HMCN1: variants seen among roughly 807,000 people sequenced by gnomAD.
The protein encoded by HMCN1 is hemicentin-1.
In HMCN1, 321 loss-of-function variants were observed where a neutral mutation model predicts 625.9. The ratio of observed to expected loss-of-function variants is 0.51; its 90% CI spans 0.47 to 0.56. The LOEUF is 0.56. Ranked by LOEUF, HMCN1 falls within the 20% of genes least tolerant of loss-of-function variation. The pLI is 0.00. For synonymous variants in HMCN1, 2,425 were observed against 2,417.6 expected, an observed-to-expected ratio of 1.00 and a Z score of -0.09; for missense variants, 6,588 against 6,887.3, an observed-to-expected ratio of 0.96 and a Z score of 1.54.
chr1:185,966,645 A>G (rs760555915), intron 14 of HMCN1, among the ~76,000 whole-genome samples: 132 of 152,142 alleles, frequency 8.7e-4, no homozygotes, highest in Non-Finnish European at 1.6e-3. Context: ...CCTAACTGGG[A>G]GGTTGCTAGG....
chr1:185,834,700 C>T (rs187364062), intron 1 of HMCN1, among the ~76,000 whole-genome samples: 1 of 152,280 alleles, frequency 6.6e-6, no homozygotes, highest in Non-Finnish European at 1.5e-5. Flanking sequence ...GAGGGGATTA[C>T]ACAAGAGTAT....
Position 186,061,445 on chromosome 1 carries a change from T to A in HMCN1, c.7313-406T>A, listed in dbSNP as rs140004545. On this transcript the variant is annotated intron_variant, in intron 46 of 106. Transcript: ENST00000271588. ...CCTCCACCAGGTCCCTCCCTTGACC[T>A]CCCACCAGGTCCCTCACCAGGGGAT... 5.9e-5 allele frequency among the ~76,000 whole-genome samples: 9 copies of A among 152,164 alleles called. No individual in the cohort carries two copies. The East Asian group carries it at 1.7e-3, about 29-fold the overall frequency.
At chr1:185,880,874 T>C (rs537539297) in intron 4 of HMCN1, among the ~76,000 whole-genome samples, 32 of 152,342 alleles carry the variant, frequency 2.1e-4, no homozygotes, top group African/African-American at 7.5e-4. Flanking sequence ...GATAGCTTTA[T>C]CATGTGCAGG....
At chr1:185,974,132 C>T (rs1651032174) in intron 15 of HMCN1, among the ~76,000 whole-genome samples, 3 of 152,220 alleles carry the variant, frequency 2.0e-5, no homozygotes, top group African/African-American at 2.4e-5. Flanking sequence ...TGGCATTAAC[C>T]CTGTGCAGAT....
At chr1:186,138,675 C>G (rs1649774562) in intron 89 of HMCN1, among the ~76,000 whole-genome samples, 1 of 152,184 alleles carries the variant, frequency 6.6e-6, no homozygotes, top group Admixed American at 6.5e-5. Flanking sequence ...GCCTTATAAT[C>G]TAAGTGAGGC....
rs1370045673 is a variant in HMCN1, at chr1:185,756,879, C to T, written c.268+21832C>T. On this transcript the variant is annotated intron_variant, in intron 1 of 106. Coordinates refer to ENST00000271588, the MANE Select transcript of HMCN1 (RefSeq NM_031935.3). ...TCTATGATAACTTTCCACCTGGTCTCTGCTGTTTTTTTTCCATCCACATGA... is the reference window on the plus strand; with the variant it reads ...TCTATGATAACTTTCCACCTGGTCTTTGCTGTTTTTTTTCCATCCACATGA... 2.0e-5 allele frequency among the ~76,000 whole-genome samples: 3 copies of T among 151,962 alleles called. No individual in the cohort carries two copies. In the East Asian group the frequency reaches 5.8e-4, roughly 29 times the overall value.
chr1:186,161,842 C>G (rs1571442001), intron 97 of HMCN1, among the ~76,000 whole-genome samples: 1 of 152,200 alleles, frequency 6.6e-6, no homozygotes, highest in East Asian at 1.9e-4. Context: ...TTCTCTCTGG[C>G]TGCCCTTAAC....
At position 185,981,025 on chromosome 1, in the gene HMCN1, C is replaced by A. The variant is rs752807371; in HGVS notation, c.2614C>A (p.Gln872Lys). 6.2e-7 allele frequency: 1 copy of A among 1,612,740 alleles called. No individual in the cohort carries two copies. The highest frequency in any genetic ancestry group is 1.3e-5 in the African/African-American group (1 of 74,954). Residue 872 changes from glutamine (Q) to lysine (K), a missense_variant, in exon 17 of 107, where the codon CAG becomes AAG. Coordinates refer to ENST00000271588, the MANE Select transcript of HMCN1 (RefSeq NM_031935.3). ...AACCTATATTTGTGAAGCTGAAAAC[C>A]AGTTTGGAAAGATCCAGTCAGAGAC... ...KGTYICEAEN[Q>K]FGKIQSETTV...
At chr1:186,086,541 C>A in intron 58 of HMCN1, 134 bp downstream of exon 58, 2 of 896,870 alleles carry the variant, frequency 2.2e-6, no homozygotes, top group Non-Finnish European at 1.7e-6. Flanking sequence ...CCTCTCTTTG[C>A]CCATTTGTGG....
chr1:186,119,350 T>G, intron 78 of HMCN1, 52 bp downstream of exon 78: 1 of 1,274,314 alleles, frequency 7.8e-7, no homozygotes, highest in Non-Finnish European at 1.1e-6. Context: ...GGGAGGTTTT[T>G]TAGTCATATT....
rs759338964 is a variant in HMCN1, at chr1:186,137,483, A to G, written c.13583-15A>G. The G allele has an allele frequency of 2.0e-5, 33 of 1,612,032 alleles. No homozygotes were observed. Among genetic ancestry groups the G allele is most frequent in the Admixed American group, 3.3e-5 (2 of 59,792 alleles). On this transcript the variant is annotated splice_polypyrimidine_tract_variant and intron_variant, in intron 87 of 106. Transcript: ENST00000271588. Reference sequence around the variant, plus strand: ...TTTGCAAAAGCTTAGACAAAGTACAATGTTTTATTTGCAGTTCATGGTGGA... The same window carrying G: ...TTTGCAAAAGCTTAGACAAAGTACAGTGTTTTATTTGCAGTTCATGGTGGA...
chr1:185,815,964 A>G (rs1040433926), intron 1 of HMCN1, among the ~76,000 whole-genome samples: 1 of 150,114 alleles, frequency 6.7e-6, no homozygotes. Context: ...CCACTTAGCA[A>G]TATCATACCC....
intron 4 of HMCN1, among the ~76,000 whole-genome samples, chr1:185,868,896 A>G (rs1482155216): frequency 1.3e-5 from 2 of 152,190 alleles, no homozygotes; most frequent in Non-Finnish European, 2.9e-5. Context: ...TGGATCATCA[A>G]CTGATATTCT....
At position 186,144,221 on chromosome 1, in the gene HMCN1, G is replaced by C. The variant is rs1558256376; in HGVS notation, c.13973G>C (p.Ser4658Thr). 1.2e-6 allele frequency: 2 copies of C among 1,612,114 alleles called. No individual in the cohort carries two copies. The highest frequency in any genetic ancestry group is 1.7e-6 in the Non-Finnish European group (2 of 1,178,962). Residue 4658 changes from serine (S) to threonine (T), a missense_variant, in exon 90 of 107, where the codon AGT becomes ACT. Ser to Thr is a moderately conservative substitution (Grantham distance 58). Transcript: ENST00000271588. ...AWQPWGTCSE[S>T]CGKGTQTRAR... Reference sequence around the variant, plus strand: ...CAGCCTTGGGGAACATGCAGCGAAAGTTGTGGGAAAGGTACTCAGACAAGA... The same window carrying C: ...CAGCCTTGGGGAACATGCAGCGAAACTTGTGGGAAAGGTACTCAGACAAGA...
chr1:185,982,212 T>G, intron 17 of HMCN1, 50 bp from the exon 18 acceptor site: 1 of 1,606,010 alleles, frequency 6.2e-7, no homozygotes, highest in Non-Finnish European at 8.5e-7. Context: ...GGCTTACCTT[T>G]CTTTTGGGTG....
Position 186,166,428 on chromosome 1 carries a change from G to C in HMCN1, c.15439+125G>C, listed in dbSNP as rs1045504244. 9 of 1,212,534 alleles carry C rather than the reference G, an allele frequency of 7.4e-6. 1 individual carries two copies. Among genetic ancestry groups the C allele is most frequent in the South Asian group, 2.6e-5 (2 of 77,116 alleles). The allele number at this position is 1,212,534 out of a possible 1,614,324, so 75.1% of individuals were successfully genotyped here. A position where few individuals can be genotyped will look rare whatever the true frequency, so the allele number is the denominator to read the frequency against. ...TGCCCACACCTTGGCAACAAACAAA[G>C]AAGGTCTCCATTGGGCTGAGAAAGT... On this transcript the variant is annotated intron_variant, in intron 99 of 106. Transcript: ENST00000271588.
chr1:186,179,071 T>C (rs1652775937), intron 104 of HMCN1, among the ~76,000 whole-genome samples: 1 of 152,182 alleles, frequency 6.6e-6, no homozygotes, highest in Non-Finnish European at 1.5e-5. Flanking sequence ...ATCCAGAATG[T>C]AGTTTATTTA....
At chr1:186,100,511 AG>A (rs1293678631) in intron 68 of HMCN1, among the ~76,000 whole-genome samples, 5 of 152,184 alleles carry the variant, frequency 3.3e-5, no homozygotes, top group African/African-American at 1.2e-4. Context: ...GCCAGGTCAT[AG>A]AGCACTTTTT....
intron 6 of HMCN1, among the ~76,000 whole-genome samples, chr1:185,912,410 T>C (rs977157916): frequency 6.6e-6 from 1 of 152,186 alleles, no homozygotes; most frequent in Admixed American, 6.5e-5. Flanking sequence ...CCTAAACTTA[T>C]CTTAAGTGGT....
Sources: allele counts gnomAD v4.1 joint callset (sites outside exome capture counted in the v4.1 genomes callset), GRCh38; gene constraint gnomAD v4.1.1; transcripts MANE v1.5; gene names NCBI Gene and HGNC (gene_info 2026-07-23, HGNC 2026-07-21).